The following ZNF423 variants were observed in gnomAD, a reference collection of about 807,000 sequenced individuals.
The protein encoded by ZNF423 is Ebf-associated zinc finger protein.
A neutral mutation model predicts 95.8 loss-of-function variants in ZNF423; 12 were observed. That is an observed-to-expected ratio of 0.13 (90% CI 0.08 to 0.20). The LOEUF (loss-of-function observed/expected upper bound fraction) is 0.20, where lower values mean the gene tolerates loss of function less well. Ranked by LOEUF, ZNF423 falls within the 10% of genes least tolerant of loss-of-function variation. The probability of loss-of-function intolerance (pLI) is 1.00; values close to 1 mark genes in which losing one functional copy is unlikely to be tolerated. For synonymous variants in ZNF423, 749 were observed against 711.9 expected, an observed-to-expected ratio of 1.05 and a Z score of -0.83; for missense variants, 1,316 against 1,737.1, an observed-to-expected ratio of 0.76 and a Z score of 4.31.
intron 5 of ZNF423, among the ~76,000 whole-genome samples, chr16:49,577,765 G>A (rs931889270): frequency 6.6e-6 from 1 of 152,234 alleles, no homozygotes; most frequent in Non-Finnish European, 1.5e-5. Flanking sequence ...ACAAGAGGGA[G>A]ACCTCCACTG....
intron 3 of ZNF423, among the ~76,000 whole-genome samples, chr16:49,673,201 GC>G (rs1179694287): frequency 6.6e-6 from 1 of 152,194 alleles, no homozygotes; most frequent in Non-Finnish European, 1.5e-5. Flanking sequence ...TTTGACAGGG[GC>G]TGAGGCTTCC....
chr16:49,677,331 G>A (rs1181851630), intron 3 of ZNF423, among the ~76,000 whole-genome samples: 2 of 50,434 alleles, frequency 4.0e-5, no homozygotes, highest in Non-Finnish European at 4.0e-5. Flanking sequence ...GGGAGGGGAG[G>A]GGAGGGGAGG....
intron 5 of ZNF423, among the ~76,000 whole-genome samples, chr16:49,560,821 A>C (rs1277520580): frequency 2.0e-5 from 3 of 152,208 alleles, no homozygotes; most frequent in Non-Finnish European, 2.9e-5. Flanking sequence ...TTGCTAATGC[A>C]AGGGAAGCCA....
chr16:49,745,601 C>T (rs1186805981), intron 2 of ZNF423, among the ~76,000 whole-genome samples: 3 of 152,194 alleles, frequency 2.0e-5, no homozygotes, highest in African/African-American at 4.8e-5. Context: ...ATTTTTGAGG[C>T]GCACTCGAGC....
rs1159984493 is a variant in ZNF423, at chr16:49,636,173, G to A, written c.3003C>T (p.Cys1001=). 6.2e-7 allele frequency: 1 copy of A among 1,613,678 alleles called. No homozygotes were observed. Among genetic ancestry groups the A allele is most frequent in the Admixed American group, 1.7e-5 (1 of 60,024 alleles). The change falls in exon 4 of 8, where the codon TGC becomes TGT. Residue 1001 remains cysteine, a synonymous_variant. Coordinates refer to ENST00000563137, the MANE Select transcript of ZNF423 (RefSeq NM_001379286.1). The surrounding 1 kb of genome is among the most constrained non-coding windows in gnomAD (Gnocchi z 8.6). The part of the protein sequence containing the change: ...KSLDTGTCRI[C]KMPLQSEEEF... ...CCTCCTCGCTCTGCAGGGGCATCTT[G>A]CAGATGCGACAGGTGCCCGTGTCCA... is the stretch of plus-strand genomic sequence containing the variant.
At chr16:49,641,158 T>A (rs771525263) in intron 3 of ZNF423, among the ~76,000 whole-genome samples, 1 of 152,194 alleles carries the variant, frequency 6.6e-6, no homozygotes, top group Non-Finnish European at 1.5e-5. Context: ...CCACTCCCAC[T>A]GGACAGACGA....
chr16:49,816,659 C>T (rs143100685), intron 1 of ZNF423, among the ~76,000 whole-genome samples: 1,720 of 152,240 alleles, frequency 0.011, 14 homozygotes, highest in Non-Finnish European at 0.019. Context: ...TGGCACGCAC[C>T]TGTAGTCCCA....
At position 49,604,045 on chromosome 16, in the gene ZNF423, A is replaced by T. The variant is rs567173966; in HGVS notation, c.3601+22125T>A. On this transcript the variant is annotated intron_variant, in intron 5 of 7. Coordinates refer to ENST00000563137, the MANE Select transcript of ZNF423 (RefSeq NM_001379286.1). ...AAAGGCCCTTGGGTGTTCTCGTACG[A>T]TACCGGTGTCTGAGCTGCAAGAACA... Among the ~76,000 whole-genome samples, 5 of 152,308 alleles carry T rather than the reference A, an allele frequency of 3.3e-5. No homozygotes were observed. The South Asian group carries it at 8.3e-4, about 25-fold the overall frequency.
At chr16:49,815,303 G>C (rs1009203404) in intron 1 of ZNF423, among the ~76,000 whole-genome samples, 5 of 152,082 alleles carry the variant, frequency 3.3e-5, no homozygotes, top group African/African-American at 9.7e-5. Flanking sequence ...AGCCCCCTAA[G>C]CAGCAGCTGC....
intron 1 of ZNF423, among the ~76,000 whole-genome samples, chr16:49,844,522 G>A (rs2035223062): frequency 1.3e-5 from 2 of 152,126 alleles, no homozygotes; most frequent in South Asian, 4.2e-4. Flanking sequence ...GCAGCGGGAG[G>A]GGCCCACAAA....
chr16:49,661,311 T>C (rs1237491044), intron 3 of ZNF423, among the ~76,000 whole-genome samples: 1 of 152,162 alleles, frequency 6.6e-6, no homozygotes, highest in Non-Finnish European at 1.5e-5. Context: ...GTGGATGCCT[T>C]TCTTCACACA....
chr16:49,562,930 C>T (rs997453252), intron 5 of ZNF423, among the ~76,000 whole-genome samples: 1 of 152,070 alleles, frequency 6.6e-6, no homozygotes. Flanking sequence ...AGGCACGAAA[C>T]GAGCCACCAA....
intron 7 of ZNF423, among the ~76,000 whole-genome samples, chr16:49,494,754 C>T (rs1165684971): frequency 6.6e-6 from 1 of 152,188 alleles, no homozygotes; most frequent in East Asian, 1.9e-4. Context: ...AACACCAGGA[C>T]ACAGAGCAGC....
intron 2 of ZNF423, among the ~76,000 whole-genome samples, chr16:49,787,637 C>T (rs933575234): frequency 2.0e-5 from 3 of 152,204 alleles, no homozygotes; most frequent in African/African-American, 7.2e-5. Flanking sequence ...CAACACCACC[C>T]TTGCCTTCTG....
chr16:49,806,289 TCAGGAACCTGA>T (rs377462111), intron 1 of ZNF423, among the ~76,000 whole-genome samples: 1 of 152,320 alleles, frequency 6.6e-6, no homozygotes, highest in Non-Finnish European at 1.5e-5. Flanking sequence ...AGCCTGTACT[TCAGGAACCTGA>T]CAGTGGGCAC....
At chr16:49,811,628 C>T (rs1053888972) in intron 1 of ZNF423, among the ~76,000 whole-genome samples, 4 of 152,132 alleles carry the variant, frequency 2.6e-5, no homozygotes, top group Non-Finnish European at 2.9e-5. Context: ...ACAGGGCAAA[C>T]GAGGCTACTG....
chr16:49,726,021 A>G (rs1187605177), intron 3 of ZNF423, among the ~76,000 whole-genome samples: 2 of 152,186 alleles, frequency 1.3e-5, no homozygotes, highest in East Asian at 1.9e-4. Context: ...AAAAAGCCAT[A>G]TATCAGGCCA....
Position 49,655,394 on chromosome 16 carries a change from A to G in ZNF423, c.302-16520T>C, listed in dbSNP as rs575325398. On this transcript the variant is annotated intron_variant, in intron 3 of 7. Transcript: ENST00000563137. ...CCAGGTCTGCGAATGACTGAGAGTT[A>G]AACAATCACTAGCCTATAAGCAGAA... Among the ~76,000 whole-genome samples, 108 of 152,324 alleles carry G rather than the reference A, an allele frequency of 7.1e-4. 2 individuals carry two copies. Among genetic ancestry groups the G allele is most frequent in the Admixed American group, 4.6e-3 (70 of 15,306 alleles).
intron 3 of ZNF423, chr16:49,711,354 C>A (rs538069670): frequency 6.6e-6 from 1 of 152,292 alleles, no homozygotes; most frequent in East Asian, 1.9e-4. Context: ...ACTACGCAAG[C>A]CCCACAGCAG....
Sources: allele counts gnomAD v4.1 joint callset (sites outside exome capture counted in the v4.1 genomes callset), GRCh38; gene constraint gnomAD v4.1.1; non-coding constraint Gnocchi (gnomAD v3.1); transcripts MANE v1.5; gene names NCBI Gene and HGNC (gene_info 2026-07-23, HGNC 2026-07-21).